Variants in LRMDA observed in about 807,000 individuals in gnomAD.
LRMDA encodes the protein leucine rich melanocyte differentiation associated.
LRMDA carries 18 observed loss-of-function variants against 29.8 expected under a neutral mutation model. That is an observed-to-expected ratio of 0.60 (90% confidence interval 0.42 to 0.90). The LOEUF (loss-of-function observed/expected upper bound fraction) is 0.90. Ranked by LOEUF, LRMDA falls within the 40% of genes least tolerant of loss-of-function variation. LRMDA has a pLI of 0.00. For synonymous variants in LRMDA, 125 were observed against 109.4 expected, an observed-to-expected ratio of 1.14 and a Z score of -0.89; for missense variants, 273 against 273.9, an observed-to-expected ratio of 1.00 and a Z score of 0.02.
chr10:75,532,056 GAA>G (rs60697116), intron 2 of LRMDA, among the ~76,000 whole-genome samples: 2,470 of 95,370 alleles, frequency 0.026, 52 homozygotes, highest in African/African-American at 0.078. Flanking sequence ...AAGAAAGAAA[GAA>G]AAAAAAAAAA....
intron 2 of LRMDA, among the ~76,000 whole-genome samples, chr10:75,689,540 C>T (rs146911985): frequency 0.016 from 2,504 of 152,252 alleles, 78 homozygotes; most frequent in African/African-American, 0.053. Flanking sequence ...TCCCTATCAT[C>T]GGATGTGAGT....
intron 2 of LRMDA, among the ~76,000 whole-genome samples, chr10:75,568,643 G>A (rs1294745280): frequency 6.6e-6 from 1 of 152,218 alleles, no homozygotes; most frequent in Admixed American, 6.5e-5. Flanking sequence ...ATCTGAAGAG[G>A]AGGGAGAAGT....
intron 5 of LRMDA, among the ~76,000 whole-genome samples, chr10:76,238,310 C>G (rs1026780235): frequency 6.6e-6 from 1 of 152,096 alleles, no homozygotes; most frequent in African/African-American, 2.4e-5. Context: ...ATTTGGTCCT[C>G]TATTTACTTA....
chr10:75,518,423 T>G (rs1845319104), intron 2 of LRMDA, among the ~76,000 whole-genome samples: 1 of 152,212 alleles, frequency 6.6e-6, no homozygotes, highest in African/African-American at 2.4e-5. Flanking sequence ...CCTGGTTTAG[T>G]CTTGGGAAGG....
intron 5 of LRMDA, among the ~76,000 whole-genome samples, chr10:76,091,446 C>G (rs748575570): frequency 2.0e-5 from 3 of 152,164 alleles, no homozygotes; most frequent in Admixed American, 6.5e-5. Flanking sequence ...TGCACTTTGT[C>G]CAGTTCCCCT....
chr10:75,535,205 C>T (rs1249027298), intron 2 of LRMDA, among the ~76,000 whole-genome samples: 1 of 151,416 alleles, frequency 6.6e-6, no homozygotes, highest in Non-Finnish European at 1.5e-5. Context: ...TTTTCCATAT[C>T]AGGATTGCAC....
At chr10:75,578,235 A>AAAAAAAAAAAAAAAAAAAAAAC in intron 2 of LRMDA, among the ~76,000 whole-genome samples, 1 of 148,108 alleles carries the variant, frequency 6.8e-6, no homozygotes, top group Non-Finnish European at 1.5e-5. Flanking sequence ...AAAAAAAAAA[A>AAAAAAAAAAAAAAAAAAAAAAC]AAAAGCAGCA....
At chr10:75,786,646 G>C (rs1413844779) in intron 2 of LRMDA, among the ~76,000 whole-genome samples, 1 of 152,022 alleles carries the variant, frequency 6.6e-6, no homozygotes, top group East Asian at 1.9e-4. Flanking sequence ...TCTCTGTGCA[G>C]TTTTTCTTCT....
intron 2 of LRMDA, among the ~76,000 whole-genome samples, chr10:75,474,947 G>A (rs555770184): frequency 1.3e-5 from 2 of 152,176 alleles, no homozygotes; most frequent in African/African-American, 4.8e-5. Flanking sequence ...GGCCGGTGTT[G>A]CTGTATTTCA....
chr10:76,501,062 G>A lies in LRMDA; in HGVS notation c.602-56147G>A, dbSNP rs549197787. 6.4e-4 allele frequency among the ~76,000 whole-genome samples: 47 copies of A among 73,422 alleles called. 20 individuals are homozygous for A. The South Asian group carries it at 7.7e-3, about 12-fold the overall frequency. 48.2% of individuals were successfully genotyped at this position (73,422 alleles called of 152,430 possible). ...TCTCTAGTAGTCTCCAGTGTTGATC[G>A]TTGTTTCCATTTGTATGTCTATGTG... On this transcript the variant is annotated intron_variant, in intron 6 of 6. Transcript: ENST00000611255.
chr10:76,032,723 G>A (rs976686011), intron 2 of LRMDA, among the ~76,000 whole-genome samples: 1 of 152,064 alleles, frequency 6.6e-6, no homozygotes, highest in Non-Finnish European at 1.5e-5. Flanking sequence ...TGCTGATTAG[G>A]TTTCCAGAAC....
chr10:75,741,279 G>T (rs1452579421), intron 2 of LRMDA, among the ~76,000 whole-genome samples: 2 of 152,142 alleles, frequency 1.3e-5, no homozygotes, highest in Admixed American at 6.5e-5. Context: ...TAGGACTGAG[G>T]TCCCTGTTTT....
At chr10:76,028,714 C>A (rs1848101740) in intron 2 of LRMDA, among the ~76,000 whole-genome samples, 1 of 151,866 alleles carries the variant, frequency 6.6e-6, no homozygotes, top group South Asian at 2.1e-4. Context: ...TCTTCAGGTA[C>A]ATTTTTGAAG....
chr10:75,431,831 A>T (rs1243920865), intron 1 of LRMDA, 77 bp downstream of exon 1: 5 of 1,251,760 alleles, frequency 4.0e-6, no homozygotes, highest in Non-Finnish European at 5.0e-6. Flanking sequence ...GAGGCTCCCC[A>T]GGGCCTAGAC....
intron 5 of LRMDA, among the ~76,000 whole-genome samples, chr10:76,288,503 A>G (rs1840300510): frequency 6.6e-6 from 1 of 152,176 alleles, no homozygotes; most frequent in Non-Finnish European, 1.5e-5. Context: ...AAAGCAATTG[A>G]AACAAAAGCA....
chr10:75,629,604 C>T (rs1841297790), intron 2 of LRMDA, among the ~76,000 whole-genome samples: 2 of 106,764 alleles, frequency 1.9e-5, no homozygotes, highest in African/African-American at 6.1e-5. Context: ...ATTAAATGAG[C>T]ATTAAGTCCT....
chr10:76,083,615 G>C (rs184112003), intron 5 of LRMDA, among the ~76,000 whole-genome samples: 1 of 152,158 alleles, frequency 6.6e-6, no homozygotes, highest in African/African-American at 2.4e-5. Flanking sequence ...GATCACCTGA[G>C]ATCAGGAGTT....
At chr10:76,009,773 A>G (rs1295172620) in intron 2 of LRMDA, among the ~76,000 whole-genome samples, 1 of 152,074 alleles carries the variant, frequency 6.6e-6, no homozygotes, top group Non-Finnish European at 1.5e-5. Flanking sequence ...TAAATATCCC[A>G]GTCTGACTTC....
At chr10:76,048,904 A>G (rs1203523901) in intron 4 of LRMDA, among the ~76,000 whole-genome samples, 2 of 152,148 alleles carry the variant, frequency 1.3e-5, no homozygotes, top group African/African-American at 4.8e-5. Context: ...AGTGCTGGAT[A>G]TGAAAAAAGG....
Sources: allele counts gnomAD v4.1 joint callset (sites outside exome capture counted in the v4.1 genomes callset), GRCh38; gene constraint gnomAD v4.1.1; transcripts MANE v1.5; gene names NCBI Gene and HGNC (gene_info 2026-07-23, HGNC 2026-07-21).